Variants in GRIP1 observed in about 807,000 individuals in gnomAD.
GRIP1 encodes glutamate receptor interacting protein 1.
In GRIP1, 45 loss-of-function variants were observed where a neutral mutation model predicts 129.9. The ratio of observed to expected loss-of-function variants is 0.35; its 90% CI spans 0.27 to 0.44. The LOEUF (loss-of-function observed/expected upper bound fraction) is 0.44, where lower values mean the gene tolerates loss of function less well. GRIP1 is among the 20% of genes least tolerant of loss of function. The pLI, the probability that GRIP1 is intolerant of heterozygous loss-of-function variation, is 1.00. For missense variants in GRIP1, 1,196 were observed against 1,396.8 expected (o/e 0.86, Z 2.29); for synonymous variants, 530 against 520.8 (o/e 1.02, Z -0.24).
chr12:66,479,581 T>A (rs937173025), intron 7 of GRIP1, among the ~76,000 whole-genome samples: 2 of 152,174 alleles, frequency 1.3e-5, no homozygotes, highest in African/African-American at 4.8e-5. Context: ...GAGGCCAGCA[T>A]CATCCTGATA....
chr12:66,539,545 C>CTTT (rs35373698), intron 3 of GRIP1, among the ~76,000 whole-genome samples: 6 of 59,284 alleles, frequency 1.0e-4, no homozygotes, highest in African/African-American at 1.9e-4. Context: ...TCAAGAGAAG[C>CTTT]TTTTTTTTTT....
At chr12:66,661,794 G>C (rs2033526658) in intron 1 of GRIP1, among the ~76,000 whole-genome samples, 1 of 151,994 alleles carries the variant, frequency 6.6e-6, no homozygotes, top group African/African-American at 2.4e-5. Flanking sequence ...TATTTCTATA[G>C]TTATCAACCC....
intron 16 of GRIP1, among the ~76,000 whole-genome samples, chr12:66,397,398 A>G (rs1031411120): frequency 6.6e-6 from 1 of 151,840 alleles, no homozygotes; most frequent in African/African-American, 2.4e-5. Flanking sequence ...CTGTAGTCCC[A>G]CCTACTCAGG....
intron 1 of GRIP1, among the ~76,000 whole-genome samples, chr12:66,963,206 T>C (rs551664141): frequency 1.1e-4 from 17 of 152,112 alleles, no homozygotes; most frequent in African/African-American, 3.9e-4. Context: ...TCCCAGCTAC[T>C]TGGGAGGCTG....
At chr12:66,439,005 G>C (rs2058395773) in intron 13 of GRIP1, among the ~76,000 whole-genome samples, 1 of 152,172 alleles carries the variant, frequency 6.6e-6, no homozygotes, top group Non-Finnish European at 1.5e-5. Context: ...CAAGAGAATA[G>C]AGAGTGATAG....
intron 1 of GRIP1, among the ~76,000 whole-genome samples, chr12:66,675,337 C>T (rs1210106717): frequency 6.6e-6 from 1 of 151,944 alleles, no homozygotes; most frequent in East Asian, 1.9e-4. Context: ...CAGTGGAGCA[C>T]GAAAGTTCAG....
chr12:66,920,613 C>G (rs902692873), intron 1 of GRIP1, among the ~76,000 whole-genome samples: 3 of 152,220 alleles, frequency 2.0e-5, no homozygotes, highest in African/African-American at 7.2e-5. Context: ...AGAATAACCT[C>G]TTCCCCACCA....
At chr12:66,990,495 A>T (rs1208643760) in intron 1 of GRIP1, among the ~76,000 whole-genome samples, 1 of 152,244 alleles carries the variant, frequency 6.6e-6, no homozygotes, top group Non-Finnish European at 1.5e-5. Context: ...AAAAGAGGGA[A>T]GAAGGAAGCA....
chr12:66,507,023 A>G (rs950038657), intron 7 of GRIP1, among the ~76,000 whole-genome samples: 1 of 152,206 alleles, frequency 6.6e-6, no homozygotes, highest in Non-Finnish European at 1.5e-5. Context: ...CCCTTTAATG[A>G]CATTTTCCTT....
At chr12:66,490,153 A>G (rs535751099) in intron 7 of GRIP1, among the ~76,000 whole-genome samples, 2 of 152,320 alleles carry the variant, frequency 1.3e-5, no homozygotes, top group East Asian at 1.9e-4. Context: ...GGAACCAAAA[A>G]AGAGCCTGTA....
chr12:66,690,011 A>G (rs1350369745), intron 1 of GRIP1, among the ~76,000 whole-genome samples: 1 of 152,018 alleles, frequency 6.6e-6, no homozygotes, highest in African/African-American at 2.4e-5. Flanking sequence ...TTCAGCCTCC[A>G]GGGCTCAGAC....
At chr12:66,708,294 T>C (rs2136387002) in intron 1 of GRIP1, among the ~76,000 whole-genome samples, 1 of 151,988 alleles carries the variant, frequency 6.6e-6, no homozygotes, top group South Asian at 2.1e-4. Flanking sequence ...GAATCAGGTG[T>C]AGCAAATTAC....
intron 1 of GRIP1, among the ~76,000 whole-genome samples, chr12:66,666,884 T>C (rs2033826791): frequency 6.6e-6 from 1 of 152,122 alleles, no homozygotes; most frequent in Admixed American, 6.5e-5. Context: ...AAACCTTTTT[T>C]TTTTTTGATT....
chr12:66,630,305 CCA>C (rs938220282), intron 1 of GRIP1: 9 of 152,020 alleles, frequency 5.9e-5, no homozygotes, highest in African/African-American at 2.2e-4. Context: ...GATCAAGCCA[CCA>C]CACTCCAGCC....
intron 1 of GRIP1, among the ~76,000 whole-genome samples, chr12:66,597,676 G>C (rs527451701): frequency 6.6e-6 from 1 of 152,334 alleles, no homozygotes; most frequent in South Asian, 2.1e-4. Context: ...ATGTGTGAGA[G>C]TTAGGTAAGA....
intron 7 of GRIP1, among the ~76,000 whole-genome samples, chr12:66,491,740 T>C (rs138469132): frequency 4.6e-5 from 7 of 152,236 alleles, no homozygotes; most frequent in South Asian, 4.1e-4. Flanking sequence ...AAAGTGTAAA[T>C]AGCAAAACCG....
chr12:66,785,363 T>TA (rs5798837), intron 1 of GRIP1, among the ~76,000 whole-genome samples: 7 of 141,674 alleles, frequency 4.9e-5, no homozygotes, highest in African/African-American at 1.0e-4. Flanking sequence ...TATATATATA[T>TA]TAGTTGGGCA....
At chr12:66,494,215 A>G (rs1333994104) in intron 7 of GRIP1, among the ~76,000 whole-genome samples, 3 of 152,198 alleles carry the variant, frequency 2.0e-5, no homozygotes, top group Non-Finnish European at 4.4e-5. Context: ...TCAATAATGT[A>G]CTTAAATGTA....
chr12:66,682,192 A>T (rs1391848835), upstream of GRIP1, among the ~76,000 whole-genome samples: 3 of 152,196 alleles, frequency 2.0e-5, no homozygotes, highest in Non-Finnish European at 2.9e-5. Flanking sequence ...CTTTAAGTGC[A>T]GTTATCTTTT....
Sources: gnomAD v4.1 joint callset for allele counts (sites outside exome capture counted in the v4.1 genomes callset) on GRCh38, gnomAD v4.1.1 for gene constraint, MANE v1.5 for transcripts, NCBI Gene and HGNC (gene_info 2026-07-23, HGNC 2026-07-21) for gene names.